Variants in NELL1 observed in about 807,000 individuals in gnomAD.
NELL1 encodes the protein protein kinase C-binding protein NELL1.
NELL1 carries 76 observed loss-of-function variants against 107.4 expected under a neutral mutation model. That is an observed-to-expected ratio of 0.71 (90% confidence interval 0.59 to 0.86). The LOEUF (loss-of-function observed/expected upper bound fraction) is 0.86. NELL1 is among the 40% of genes least tolerant of loss of function. The pLI is 0.00. For synonymous variants in NELL1, 353 were observed against 341.2 expected (o/e 1.03, Z -0.38); for missense variants, 1,024 against 1,005.5 (o/e 1.02, Z -0.25).
chr11:21,222,974 T>C (rs1395926171), intron 13 of NELL1, among the ~76,000 whole-genome samples: 1 of 152,232 alleles, frequency 6.6e-6, no homozygotes, highest in Admixed American at 6.5e-5. Flanking sequence ...TGTTCTATCC[T>C]AGAGAATGTT....
At chr11:21,512,822 G>T (rs1351739365) in intron 15 of NELL1, among the ~76,000 whole-genome samples, 1 of 151,390 alleles carries the variant, frequency 6.6e-6, no homozygotes, top group Non-Finnish European at 1.5e-5. Flanking sequence ...AAAAAAAAAA[G>T]AAATATGCAA....
At chr11:21,164,615 A>G (rs1483339252) in intron 13 of NELL1, among the ~76,000 whole-genome samples, 2 of 152,200 alleles carry the variant, frequency 1.3e-5, no homozygotes, top group African/African-American at 4.8e-5. Context: ...CACTTCTGAA[A>G]GAAATCATAG....
chr11:20,904,854 G>C (rs1029480984), intron 5 of NELL1, among the ~76,000 whole-genome samples: 6 of 151,254 alleles, frequency 4.0e-5, no homozygotes, highest in African/African-American at 1.5e-4. Flanking sequence ...TTTGAGACAG[G>C]GTCTCATTCT....
chr11:20,722,020 T>C (rs1466183397), intron 2 of NELL1, among the ~76,000 whole-genome samples: 1 of 15,074 alleles, frequency 6.6e-5, no homozygotes, highest in Non-Finnish European at 3.1e-4. Flanking sequence ...TGAGTCTCTC[T>C]TTTTTTTTTT....
chr11:21,090,789 G>A (rs1854503240), intron 12 of NELL1, among the ~76,000 whole-genome samples: 1 of 152,168 alleles, frequency 6.6e-6, no homozygotes, highest in South Asian at 2.1e-4. Flanking sequence ...AGGCAAATGA[G>A]AGCTTTACCC....
At chr11:21,452,592 G>A (rs1031612217) in intron 15 of NELL1, among the ~76,000 whole-genome samples, 13 of 151,916 alleles carry the variant, frequency 8.6e-5, no homozygotes, top group African/African-American at 2.9e-4. Context: ...TTAATTTTAT[G>A]GACATTTTCA....
At chr11:20,886,768 C>G (rs1440523440) in intron 5 of NELL1, among the ~76,000 whole-genome samples, 1 of 152,050 alleles carries the variant, frequency 6.6e-6, no homozygotes, top group Non-Finnish European at 1.5e-5. Context: ...ACCAACATGG[C>G]ACATGTATAC....
chr11:20,967,604 G>T (rs1851412624), intron 12 of NELL1, among the ~76,000 whole-genome samples: 1 of 152,070 alleles, frequency 6.6e-6, no homozygotes. Context: ...ACATCAGAAA[G>T]TCCTGTTAGC....
intron 7 of NELL1, among the ~76,000 whole-genome samples, chr11:20,923,311 T>G (rs967309990): frequency 6.6e-6 from 1 of 152,200 alleles, no homozygotes; most frequent in Non-Finnish European, 1.5e-5. Context: ...CAAGTGACTG[T>G]GCCCTTGCTT....
intron 15 of NELL1, among the ~76,000 whole-genome samples, chr11:21,396,315 A>G (rs1851979165): frequency 6.6e-6 from 1 of 151,666 alleles, no homozygotes. Flanking sequence ...ATTCACATAT[A>G]AAATAATATG....
At chr11:21,137,254 A>G (rs930470528) in intron 13 of NELL1, among the ~76,000 whole-genome samples, 34 of 152,370 alleles carry the variant, frequency 2.2e-4, no homozygotes, top group African/African-American at 8.2e-4. Context: ...GTATACGACC[A>G]GTGTCCTGGA....
intron 14 of NELL1, chr11:21,284,755 AC>A: frequency 2.9e-6 from 1 of 341,420 alleles, no homozygotes; most frequent in Non-Finnish European, 5.8e-6. Context: ...AATCTGGCAA[AC>A]CCTACCGCCA....
chr11:21,012,322 C>A (rs536832342), intron 12 of NELL1, among the ~76,000 whole-genome samples: 2 of 152,118 alleles, frequency 1.3e-5, no homozygotes, highest in Admixed American at 1.3e-4. Flanking sequence ...GTTCTCCCTG[C>A]CAGCCTTCCA....
chr11:21,294,128 C>T (rs1422585185), intron 14 of NELL1, among the ~76,000 whole-genome samples: 1 of 151,984 alleles, frequency 6.6e-6, no homozygotes, highest in Admixed American at 6.6e-5. Flanking sequence ...ACTGTTAACA[C>T]AGTGCCAGTC....
At chr11:21,540,661 G>A (rs944229139) in intron 16 of NELL1, among the ~76,000 whole-genome samples, 2 of 151,998 alleles carry the variant, frequency 1.3e-5, no homozygotes, top group Non-Finnish European at 2.9e-5. Flanking sequence ...AGAGAGTGAA[G>A]GGGGGAGGTA....
At chr11:21,085,629 T>TA (rs966856263) in intron 12 of NELL1, among the ~76,000 whole-genome samples, 105 of 150,984 alleles carry the variant, frequency 7.0e-4, no homozygotes, top group African/African-American at 2.1e-3. Context: ...CTTTGTCTAT[T>TA]AAAAAAAAAC....
chr11:21,401,834 G>C (rs1323473828), intron 15 of NELL1, among the ~76,000 whole-genome samples: 7 of 151,854 alleles, frequency 4.6e-5, no homozygotes. Flanking sequence ...GCAAACTCAT[G>C]TGATTTTTCT....
At chr11:21,515,373 C>G (rs542501405) in intron 15 of NELL1, among the ~76,000 whole-genome samples, 1 of 152,294 alleles carries the variant, frequency 6.6e-6, no homozygotes, top group African/African-American at 2.4e-5. Flanking sequence ...AAGCAGATAT[C>G]ATCAACTAGA....
rs1857805404 is a variant in NELL1, at chr11:21,223,208, A to G, written c.1427-6124A>G. Among the ~76,000 whole-genome samples the G allele has an allele frequency of 2.0e-5, 3 of 151,812 alleles. No homozygotes were observed. The South Asian group carries it at 6.3e-4, about 32-fold the overall frequency. On this transcript the variant is annotated intron_variant, in intron 13 of 19. Coordinates refer to ENST00000357134, the MANE Select transcript of NELL1 (RefSeq NM_006157.5). ...TCTCTCTTTCTCTTTCTCTCTTCAG[A>G]TGTAGTAACATTTGCTTTATGAATT...
Sources: gnomAD v4.1 joint callset for allele counts (sites outside exome capture counted in the v4.1 genomes callset) on GRCh38, gnomAD v4.1.1 for gene constraint, MANE v1.5 for transcripts, NCBI Gene and HGNC (gene_info 2026-07-23, HGNC 2026-07-21) for gene names.